The following HYAL4 variants were observed in gnomAD, a reference collection of about 807,000 sequenced individuals.
HYAL4 encodes the protein hyaluronidase 4.
A neutral mutation model predicts 35.2 loss-of-function variants in HYAL4; 37 were observed. That is an observed-to-expected ratio of 1.05 (90% CI 0.81 to 1.38). The LOEUF is 1.38. Among genes scored for constraint, HYAL4 ranks in the 40% most tolerant of loss-of-function variants. HYAL4 has a pLI of 0.00. For synonymous variants in HYAL4, 198 were observed against 203.2 expected (o/e 0.97, Z 0.22); for missense variants, 572 against 572.4 (o/e 1.00, Z 0.01).
the HYAL4 span, among the ~76,000 whole-genome samples, chr7:123,769,817 A>G: frequency 5.2e-3 from 756 of 145,818 alleles, 10 homozygotes; most frequent in African/African-American, 0.017. Context: ...AGTGAAAGAG[A>G]CTTGAAAAAA....
At chr7:123,790,631 G>A in the HYAL4 span, 1 of 134,210 alleles carries the variant, frequency 7.5e-6, no homozygotes, top group African/African-American at 2.8e-5. Flanking sequence ...TCACGAATTT[G>A]CGTGTCATCC....
the HYAL4 span, among the ~76,000 whole-genome samples, chr7:123,802,852 G>A: frequency 3.9e-5 from 6 of 152,290 alleles, no homozygotes; most frequent in African/African-American, 1.4e-4. Flanking sequence ...ATATGCAATT[G>A]TATACTACTA....
At chr7:123,850,896 G>A (rs1023681537) in intron 2 of HYAL4, among the ~76,000 whole-genome samples, 1 of 151,980 alleles carries the variant, frequency 6.6e-6, no homozygotes, top group African/African-American at 2.4e-5. Context: ...TATTGTATTA[G>A]GAAATTCTCT....
the HYAL4 span, among the ~76,000 whole-genome samples, chr7:123,791,676 G>A: frequency 2.6e-5 from 4 of 152,284 alleles, no homozygotes; most frequent in South Asian, 6.2e-4. Context: ...GACATGGATG[G>A]CAGCTCAGTC....
intron 2 of HYAL4, among the ~76,000 whole-genome samples, chr7:123,851,109 T>C (rs1806295280): frequency 6.6e-6 from 1 of 152,238 alleles, no homozygotes; most frequent in South Asian, 2.1e-4. Flanking sequence ...CAACTTACTT[T>C]ACTAAGATCC....
At chr7:123,820,969 A>G in the HYAL4 span, among the ~76,000 whole-genome samples, 1 of 152,136 alleles carries the variant, frequency 6.6e-6, no homozygotes, top group Non-Finnish European at 1.5e-5. Flanking sequence ...GTTGTCATAA[A>G]TGACATTATT....
chr7:123,857,045 C>T (rs999475471), intron 2 of HYAL4, among the ~76,000 whole-genome samples: 8 of 152,154 alleles, frequency 5.3e-5, no homozygotes, highest in East Asian at 1.9e-4. Context: ...TCACCAAGCT[C>T]GAGCATCCCA....
chr7:123,857,673 C>CTTTG (rs1344469904), intron 2 of HYAL4, among the ~76,000 whole-genome samples: 3,235 of 60,804 alleles, frequency 0.053, 71 homozygotes, highest in African/African-American at 0.1. Flanking sequence ...TTGTTTGTTT[C>CTTTG]TTTCTTTCTT....
In HYAL4 at chr7:123,868,336, A is replaced by T; in HGVS notation, c.63A>T (p.Ser21=). The T allele has an allele frequency of 6.3e-7, 1 of 1,597,742 alleles. No homozygotes were observed. Among genetic ancestry groups the T allele is most frequent in the Non-Finnish European group, 8.5e-7 (1 of 1,175,616 alleles). ...LCVVQPVHLT[S]WLLIFFILKS... is the part of the protein sequence containing the mutation. The stretch of plus-strand genomic sequence containing the variant: ...TTGTTCAACCAGTACATCTCACTTC[A>T]TGGCTCCTTATATTTTTTATTCTAA... The change falls in exon 3 of 5, where the codon TCA becomes TCT. Residue 21 remains serine (S), a synonymous_variant. Coordinates refer to ENST00000223026, the MANE Select transcript of HYAL4 (RefSeq NM_012269.3).
At chr7:123,866,038 C>T (rs1806678474) in intron 2 of HYAL4, among the ~76,000 whole-genome samples, 1 of 152,112 alleles carries the variant, frequency 6.6e-6, no homozygotes. Flanking sequence ...GAAATCTCGC[C>T]CTTGTGATAC....
At chr7:123,811,397 T>A in the HYAL4 span, among the ~76,000 whole-genome samples, 3 of 152,350 alleles carry the variant, frequency 2.0e-5, no homozygotes, top group African/African-American at 7.2e-5. Context: ...TTAATAGGCA[T>A]GTAGTGGTGT....
intron 1 of HYAL4, among the ~76,000 whole-genome samples, chr7:123,832,006 T>A (rs1370130562): frequency 1.3e-5 from 2 of 152,104 alleles, no homozygotes; most frequent in Non-Finnish European, 2.9e-5. Flanking sequence ...TCATTTTAGG[T>A]CTGCTTTTAT....
At chr7:123,779,869 T>C in the HYAL4 span, among the ~76,000 whole-genome samples, 1 of 152,114 alleles carries the variant, frequency 6.6e-6, no homozygotes, top group Non-Finnish European at 1.5e-5. Context: ...ATCTATTTAT[T>C]TGGTCTTTTG....
At chr7:123,816,573 T>C in the HYAL4 span, among the ~76,000 whole-genome samples, 1 of 152,196 alleles carries the variant, frequency 6.6e-6, no homozygotes, top group East Asian at 1.9e-4. Flanking sequence ...ATAAAAGCCT[T>C]GTTCATTGCT....
At chr7:123,801,849 A>T in the HYAL4 span, among the ~76,000 whole-genome samples, 1 of 152,228 alleles carries the variant, frequency 6.6e-6, no homozygotes, top group East Asian at 1.9e-4. Context: ...TAATTATCAC[A>T]CGAGGGCAAC....
chr7:123,811,410 C>T, the HYAL4 span, among the ~76,000 whole-genome samples: 18 of 152,274 alleles, frequency 1.2e-4, no homozygotes, highest in Admixed American at 1.2e-3. Flanking sequence ...AGTGGTGTCT[C>T]ATTGCTGTTT....
At chr7:123,831,088 G>C (rs1584907369) in intron 1 of HYAL4, among the ~76,000 whole-genome samples, 1 of 152,164 alleles carries the variant, frequency 6.6e-6, no homozygotes, top group Non-Finnish European at 1.5e-5. Context: ...AGACCTAATG[G>C]GAGGTGTTTG....
chr7:123,872,188 C>A (rs1037336377), intron 3 of HYAL4, among the ~76,000 whole-genome samples: 1 of 152,086 alleles, frequency 6.6e-6, no homozygotes, highest in Admixed American at 6.5e-5. Flanking sequence ...TCTCCAATGT[C>A]TATTATTGCA....
At chr7:123,822,777 AAT>A in the HYAL4 span, among the ~76,000 whole-genome samples, 1 of 152,048 alleles carries the variant, frequency 6.6e-6, no homozygotes, top group South Asian at 2.1e-4. Context: ...TTGGCAACAT[AAT>A]GTGACCCCAT....
Sources: allele counts gnomAD v4.1 joint callset (sites outside exome capture counted in the v4.1 genomes callset), GRCh38; gene constraint gnomAD v4.1.1; transcripts MANE v1.5; gene names NCBI Gene and HGNC (gene_info 2026-07-23, HGNC 2026-07-21).